PPFIA2: variants seen among roughly 807,000 people sequenced by gnomAD.
The protein encoded by PPFIA2 is PPFI scaffold protein A2.
In PPFIA2, 46 loss-of-function variants were observed where a neutral mutation model predicts 175.5. The observed-to-expected ratio is 0.26, with a 90% CI of 0.21 to 0.34. PPFIA2 has a LOEUF of 0.34. Ranked by LOEUF, PPFIA2 falls within the 10% of genes least tolerant of loss-of-function variation. PPFIA2 has a pLI of 1.00. For missense variants in PPFIA2, 1,179 were observed against 1,506.1 expected (o/e 0.78, Z 3.60); for synonymous variants, 568 against 511.4 (o/e 1.11, Z -1.49).
chr12:81,381,551 G>A (rs1303529417), intron 9 of PPFIA2, among the ~76,000 whole-genome samples: 1 of 152,122 alleles, frequency 6.6e-6, no homozygotes, highest in Admixed American at 6.6e-5. Flanking sequence ...AAGATGGAGA[G>A]AATGAACAAC....
rs1039545685 is a variant in PPFIA2 at position 81,717,831 on chromosome 12, G to A, written c.249+36142C>T. 2.7e-4 allele frequency among the ~76,000 whole-genome samples: 41 copies of A among 151,750 alleles called. 1 individual carries two copies. Among genetic ancestry groups the A allele is most frequent in the Non-Finnish European group, 4.1e-4 (28 of 67,764 alleles). ...ATGCAATGGCAAAGTGCTCTCAGGA[G>A]GAGGGGAATGGGGAAGAAGGACAAG... On this transcript the variant is annotated intron_variant, in intron 3 of 32. Coordinates refer to ENST00000549396, the MANE Select transcript of PPFIA2 (RefSeq NM_003625.5).
In PPFIA2 at chr12:81,695,778, C is replaced by G. The variant is rs2075827266; in HGVS notation, c.250-18934G>C. 2.0e-5 allele frequency among the ~76,000 whole-genome samples: 3 copies of G among 152,170 alleles called. No homozygotes were observed. The South Asian group carries it at 6.2e-4, about 32-fold the overall frequency. The stretch of plus-strand genomic sequence containing the variant: ...CAAACTTTTCTGCTCAAATGATCAT[C>G]TCTATACAGCAATTGTTTTTGGCTT... On this transcript the variant is annotated intron_variant, in intron 3 of 32. Transcript: ENST00000549396.
intron 4 of PPFIA2, among the ~76,000 whole-genome samples, chr12:81,653,973 C>T (rs940801708): frequency 2.0e-5 from 3 of 151,170 alleles, no homozygotes; most frequent in African/African-American, 4.9e-5. Flanking sequence ...GTAATATGTG[C>T]GTATAAGTGT....
chr12:81,590,851 T>C (rs2058593742), intron 4 of PPFIA2, among the ~76,000 whole-genome samples: 1 of 152,198 alleles, frequency 6.6e-6, no homozygotes, highest in African/African-American at 2.4e-5. Flanking sequence ...GTCTTGGGTA[T>C]GTCTTTATCA....
At chr12:81,735,444 T>TC (rs1159807658) in intron 3 of PPFIA2, among the ~76,000 whole-genome samples, 8 of 151,876 alleles carry the variant, frequency 5.3e-5, no homozygotes, top group Non-Finnish European at 7.4e-5. Flanking sequence ...AATTGGGTTT[T>TC]CCTCTTCTTA....
Position 81,353,241 on chromosome 12 carries a change from A to G in PPFIA2, c.1872T>C (p.Asp624=). 6.2e-7 allele frequency: 1 copy of G among 1,613,838 alleles called. No individual in the cohort carries two copies. The highest frequency in any genetic ancestry group is 8.5e-7 in the Non-Finnish European group (1 of 1,179,802). ...FESDTEMSDI[D]DDDRETIFSS... ...TAAAAATTGTTTCTCTGTCATCATC[A>G]TCAATATCAGACATTTCAGTGTCAC... The change falls in exon 17 of 33, where the codon GAT becomes GAC. Residue 624 remains aspartate (D), a synonymous_variant. Coordinates refer to ENST00000549396, the MANE Select transcript of PPFIA2 (RefSeq NM_003625.5).
At chr12:81,280,629 T>C (rs1318998023) in intron 27 of PPFIA2, among the ~76,000 whole-genome samples, 1 of 152,110 alleles carries the variant, frequency 6.6e-6, no homozygotes, top group Non-Finnish European at 1.5e-5. Flanking sequence ...ATAGCATTTA[T>C]GATATGGTAT....
At position 81,549,249 on chromosome 12, in the gene PPFIA2, G is replaced by A. The variant is rs57629136; in HGVS notation, c.304-91383C>T. On this transcript the variant is annotated intron_variant, in intron 4 of 32. Transcript: ENST00000549396. ...GCCTTCAGTTCTTCTGTGATGTTGA[G>A]TAAGAGTTATATGTTTTACTGGAAA... 3.2e-3 allele frequency among the ~76,000 whole-genome samples: 494 copies of A among 152,108 alleles called. 5 individuals carry two copies. Among genetic ancestry groups the A allele is most frequent in the African/African-American group, 0.011 (473 of 41,514 alleles).
At position 81,693,450 on chromosome 12, in the gene PPFIA2, T is replaced by G. The variant is rs377145978; in HGVS notation, c.250-16606A>C. Among the ~76,000 whole-genome samples the G allele has an allele frequency of 2.0e-5, 3 of 152,174 alleles. No individual in the cohort carries two copies. The East Asian group carries it at 5.8e-4, about 30-fold the overall frequency. On this transcript the variant is annotated intron_variant, in intron 3 of 32. Transcript: ENST00000549396. The stretch of plus-strand genomic sequence containing the variant: ...GTGATGTCCCTGTTCCCCCTTCACT[T>G]CCCACCATGACTGAAAGCTCTCTGA...
intron 24 of PPFIA2, among the ~76,000 whole-genome samples, chr12:81,288,711 A>G (rs2044107866): frequency 6.6e-6 from 1 of 151,838 alleles, no homozygotes; most frequent in Admixed American, 6.6e-5. Flanking sequence ...ATTACAAAGT[A>G]GTAACTTGAA....
chr12:81,628,118 T>G (rs7310991), intron 4 of PPFIA2, among the ~76,000 whole-genome samples: 15,366 of 152,212 alleles, frequency 0.1, 962 homozygotes, highest in South Asian at 0.17. Context: ...TCCAATGTTA[T>G]ACTTCATATA....
At chr12:81,597,797 A>T (rs2059404933) in intron 4 of PPFIA2, among the ~76,000 whole-genome samples, 1 of 152,074 alleles carries the variant, frequency 6.6e-6, no homozygotes, top group Non-Finnish European at 1.5e-5. Flanking sequence ...CCCACAGTTT[A>T]AAGTAGATTA....
intron 3 of PPFIA2, among the ~76,000 whole-genome samples, chr12:81,693,639 A>C (rs2075526357): frequency 6.6e-6 from 1 of 152,160 alleles, no homozygotes; most frequent in African/African-American, 2.4e-5. Flanking sequence ...TGCTATAAAA[A>C]TACCTAAAAA....
chr12:81,720,223 T>C (rs1330878581), intron 3 of PPFIA2, among the ~76,000 whole-genome samples: 1 of 151,454 alleles, frequency 6.6e-6, no homozygotes, highest in Admixed American at 6.6e-5. Context: ...GCAGAAACAC[T>C]TGCTCTCAAC....
At chr12:81,437,219 C>G (rs897304718) in intron 7 of PPFIA2, among the ~76,000 whole-genome samples, 4 of 151,994 alleles carry the variant, frequency 2.6e-5, no homozygotes, top group African/African-American at 9.7e-5. Context: ...AGTTGCTATT[C>G]CTGGAGCAAA....
chr12:81,449,541 A>G (rs993447117), intron 5 of PPFIA2, among the ~76,000 whole-genome samples: 1 of 151,968 alleles, frequency 6.6e-6, no homozygotes, highest in South Asian at 2.1e-4. Flanking sequence ...GAGTAATGCA[A>G]TTGATGGGTG....
At position 81,642,748 on chromosome 12, in the gene PPFIA2, T is replaced by C. The variant is rs1361474388; in HGVS notation, c.303+34043A>G. On this transcript the variant is annotated intron_variant, in intron 4 of 32. Coordinates refer to ENST00000549396, the MANE Select transcript of PPFIA2 (RefSeq NM_003625.5). The stretch of plus-strand genomic sequence containing the variant: ...ACATACATGTATATGTATGTATGTA[T>C]TATATACATACATGTATATGTATGT... Among the ~76,000 whole-genome samples the C allele has an allele frequency of 4.7e-5, 4 of 85,274 alleles. 2 individuals are homozygous for C. The East Asian group carries it at 1.4e-3, about 29-fold the overall frequency. The allele number at this position is 85,274 out of a possible 152,430, so 55.9% of individuals were successfully genotyped here.
At chr12:81,419,051 A>G (rs2045817917) in intron 7 of PPFIA2, among the ~76,000 whole-genome samples, 1 of 152,064 alleles carries the variant, frequency 6.6e-6, no homozygotes. Context: ...TTATCAGTAT[A>G]TAAAAATAGT....
At chr12:81,449,503 A>C (rs1411189020) in intron 5 of PPFIA2, among the ~76,000 whole-genome samples, 1 of 149,992 alleles carries the variant, frequency 6.7e-6, no homozygotes, top group African/African-American at 2.5e-5. Context: ...AAAAAAAAAC[A>C]AAAAAAAATC....
Sources: gnomAD v4.1 joint callset for allele counts (sites outside exome capture counted in the v4.1 genomes callset) on GRCh38, gnomAD v4.1.1 for gene constraint, MANE v1.5 for transcripts, NCBI Gene and HGNC (gene_info 2026-07-23, HGNC 2026-07-21) for gene names.